The following SF3B1 variants were observed in gnomAD, a reference collection of about 807,000 sequenced individuals.
SF3B1 encodes the protein pre-mRNA processing 10.
In SF3B1, 12 loss-of-function variants were observed where a neutral mutation model predicts 153.8. The ratio of observed to expected loss-of-function variants is 0.08; its 90% CI spans 0.05 to 0.13. The LOEUF (loss-of-function observed/expected upper bound fraction) is 0.13. Ranked by LOEUF, SF3B1 falls within the 10% of genes least tolerant of loss-of-function variation. SF3B1 has a pLI of 1.00. For synonymous variants in SF3B1, 498 were observed against 525.2 expected (o/e 0.95, Z 0.71); for missense variants, 513 against 1,606.1 (o/e 0.32, Z 11.63).
intron 9 of SF3B1, among the ~76,000 whole-genome samples, chr2:197,405,788 C>A (rs2084984259): frequency 6.6e-6 from 1 of 151,838 alleles, no homozygotes; most frequent in Admixed American, 6.6e-5. Flanking sequence ...TCTGAGTCAG[C>A]AATTCCAAAA....
At chr2:197,405,016 A>C in intron 11 of SF3B1, 60 bp downstream of exon 11, 1 of 1,222,088 alleles carries the variant, frequency 8.2e-7, no homozygotes, top group Non-Finnish European at 1.1e-6. Flanking sequence ...AAAAACTACA[A>C]ATTTTTTTTA....
rs2084798505 is a variant in SF3B1 at position 197,390,527 on chromosome 2, A to G, written c.*1776T>C. ...TTACTACATAGTGACATATATTCAG[A>G]AAGTTGTCATACAAGGAATGATGAG... On this transcript the variant is annotated 3_prime_UTR_variant, in exon 25 of 25. Coordinates refer to ENST00000335508, the MANE Select transcript of SF3B1 (RefSeq NM_012433.4). 6.6e-6 allele frequency: 1 copy of G among 152,208 alleles called. No individual in the cohort carries two copies. Among genetic ancestry groups the G allele is most frequent in the African/African-American group, 2.4e-5 (1 of 41,450 alleles). 9.4% of individuals were successfully genotyped at this position (152,208 alleles called of 1,614,324 possible). A position where few individuals can be genotyped will look rare whatever the true frequency, so the allele number is the denominator to read the frequency against.
At chr2:197,396,417 G>T in intron 22 of SF3B1, 89 bp from the exon 23 acceptor site, 1 of 1,094,396 alleles carries the variant, frequency 9.1e-7, no homozygotes, top group Non-Finnish European at 1.3e-6. Flanking sequence ...AAACTTTTAA[G>T]TATTAATAAT....
Position 197,401,932 on chromosome 2 carries a change from T to G in SF3B1, c.2224-44A>C. On this transcript the variant is annotated intron_variant, in intron 15 of 24. Coordinates refer to ENST00000335508, the MANE Select transcript of SF3B1 (RefSeq NM_012433.4). This position sits in a 1 kb window ranked among gnomAD's most constrained non-coding sequence, Gnocchi z 4.2. ...TATATGTACTTTAGTAATTTAGATT[T>G]ATGTCGCCTTAACTTTAATGAAGAT... The G allele has an allele frequency of 6.3e-7, 1 of 1,593,658 alleles. No homozygotes were observed. The highest frequency in any genetic ancestry group is 8.5e-7 in the Non-Finnish European group (1 of 1,173,642).
chr2:197,403,466 A>G, intron 12 of SF3B1, 119 bp downstream of exon 12: 3 of 578,880 alleles, frequency 5.2e-6, no homozygotes, highest in Non-Finnish European at 8.6e-6. Flanking sequence ...CTGTATTTGT[A>G]CATGTATGGT....
At chr2:197,399,725 C>T (rs184106913) in intron 20 of SF3B1, among the ~76,000 whole-genome samples, 30 of 152,170 alleles carry the variant, frequency 2.0e-4, no homozygotes, top group South Asian at 6.2e-4. Context: ...CTTTTCACCC[C>T]GCAGCAGAAC....
intron 5 of SF3B1, among the ~76,000 whole-genome samples, chr2:197,417,800 T>C (rs13393145): frequency 0.016 from 2,473 of 152,104 alleles, 72 homozygotes; most frequent in African/African-American, 0.056. Context: ...CAAAATGGCA[T>C]AATCTCTGTA....
chr2:197,410,213 C>T (rs559340797), intron 6 of SF3B1, among the ~76,000 whole-genome samples: 3 of 152,106 alleles, frequency 2.0e-5, no homozygotes, highest in African/African-American at 7.2e-5. Context: ...AAGTTTCAAT[C>T]CGAAGCACTG....
chr2:197,422,496 G>A (rs1344028540), intron 2 of SF3B1, among the ~76,000 whole-genome samples: 4 of 151,914 alleles, frequency 2.6e-5, no homozygotes, highest in Non-Finnish European at 5.9e-5. Context: ...TATGGCACAT[G>A]TATACATACG....
chr2:197,403,229 G>GAC lies in SF3B1; in HGVS notation c.1720-196_1720-195dup, dbSNP rs568627364. On this transcript the variant is annotated intron_variant, in intron 12 of 24. Coordinates refer to ENST00000335508, the MANE Select transcript of SF3B1 (RefSeq NM_012433.4). ...ATGAAAATTTAAGAGAGCTATTAGT[G>GAC]ACACACTAATATTCAATATTTTTTA... Among the ~76,000 whole-genome samples, 12 of 152,206 alleles carry GAC rather than the reference G, an allele frequency of 7.9e-5. No homozygotes were observed. The South Asian group carries it at 2.3e-3, about 29-fold the overall frequency.
chr2:197,427,248 T>A (rs528320500), intron 1 of SF3B1, among the ~76,000 whole-genome samples: 3 of 152,300 alleles, frequency 2.0e-5, no homozygotes, highest in African/African-American at 7.2e-5. Flanking sequence ...AATCCTAAGG[T>A]GAGTATATTA....
chr2:197,418,962 A>C, intron 4 of SF3B1: 2 of 1,588,884 alleles, frequency 1.3e-6, no homozygotes, highest in Non-Finnish European at 1.7e-6. Flanking sequence ...CTAGAAAATT[A>C]TCTCTTTACC....
At chr2:197,420,882 T>C (rs535497314) in intron 3 of SF3B1, 147 bp downstream of exon 3, 3 of 586,580 alleles carry the variant, frequency 5.1e-6, no homozygotes, top group South Asian at 4.9e-5. Context: ...AAACCTTGTG[T>C]CAAAAAGAAA....
rs997911404 is a variant in SF3B1, at chr2:197,389,895, C to T, written c.*2408G>A. 4 of 152,070 alleles carry T rather than the reference C, an allele frequency of 2.6e-5. No individual in the cohort carries two copies. Among genetic ancestry groups the T allele is most frequent in the African/African-American group, 9.7e-5 (4 of 41,414 alleles). The allele number at this position is 152,070 out of a possible 1,614,324, so 9.4% of individuals were successfully genotyped here. On this transcript the variant is annotated 3_prime_UTR_variant, in exon 25 of 25. Coordinates refer to ENST00000335508, the MANE Select transcript of SF3B1 (RefSeq NM_012433.4). ...AAATCAAACAGCCAGAGATCAATTC[C>T]ATTAGAGGGCGATGGCCCACAGAAA... is the stretch of plus-strand genomic sequence containing the variant.
At chr2:197,416,975 A>C (rs571932030) in intron 5 of SF3B1, 64 bp from the exon 6 acceptor site, 9 of 1,480,588 alleles carry the variant, frequency 6.1e-6, no homozygotes, top group East Asian at 2.3e-5. Context: ...CCATTAGCGC[A>C]ATCACTTCCA....
intron 1 of SF3B1, among the ~76,000 whole-genome samples, chr2:197,426,599 C>T (rs906088432): frequency 2.0e-5 from 3 of 152,116 alleles, no homozygotes; most frequent in African/African-American, 7.2e-5. Flanking sequence ...TCTGCAATCT[C>T]CTCTACAGCA....
chr2:197,428,487 C>T (rs544199561), intron 1 of SF3B1, among the ~76,000 whole-genome samples: 2 of 152,336 alleles, frequency 1.3e-5, no homozygotes, highest in Admixed American at 6.5e-5. Flanking sequence ...ATTTTCAAAA[C>T]CAACACTAAG....
intron 6 of SF3B1, among the ~76,000 whole-genome samples, chr2:197,414,676 T>C (rs1022444745): frequency 1.1e-4 from 17 of 152,264 alleles, no homozygotes; most frequent in African/African-American, 4.1e-4. Context: ...AGAAATTACA[T>C]AAGACTAGAA....
chr2:197,405,704 T>C (rs1574531969), intron 9 of SF3B1, among the ~76,000 whole-genome samples: 1 of 152,242 alleles, frequency 6.6e-6, no homozygotes, highest in East Asian at 1.9e-4. Context: ...GAGAAGAGCT[T>C]AGAAAATACT....
Sources: allele counts gnomAD v4.1 joint callset (sites outside exome capture counted in the v4.1 genomes callset), GRCh38; gene constraint gnomAD v4.1.1; non-coding constraint Gnocchi (gnomAD v3.1); transcripts MANE v1.5; gene names NCBI Gene and HGNC (gene_info 2026-07-23, HGNC 2026-07-21).